Variants in RAB38 observed in about 807,000 individuals in gnomAD.
RAB38 encodes ras-related protein Rab-38.
A neutral mutation model predicts 18.4 loss-of-function variants in RAB38; 15 were observed. The ratio of observed to expected loss-of-function variants is 0.82; its 90% CI spans 0.55 to 1.26. The LOEUF (loss-of-function observed/expected upper bound fraction) is 1.26, where lower values mean the gene tolerates loss of function less well. Ranked by LOEUF, RAB38 falls within the 50% of genes most tolerant of loss-of-function variation. The probability of loss-of-function intolerance (pLI) is 0.00; values close to 1 mark genes in which losing one functional copy is unlikely to be tolerated. For synonymous variants in RAB38, 101 were observed against 104.4 expected (o/e 0.97, Z 0.20); for missense variants, 294 against 267.4 (o/e 1.10, Z -0.69).
chr11:87,930,250 C>G, the RAB38 span, among the ~76,000 whole-genome samples: 1,784 of 152,168 alleles, frequency 0.012, 32 homozygotes, highest in African/African-American at 0.035. Context: ...TTTTAATGAT[C>G]GCCATTCTAA....
chr11:87,841,843 C>A, the RAB38 span, among the ~76,000 whole-genome samples: 9 of 152,140 alleles, frequency 5.9e-5, no homozygotes, highest in Non-Finnish European at 1.3e-4. Flanking sequence ...GGTGTATAGT[C>A]ACTCCACCTG....
the RAB38 span, among the ~76,000 whole-genome samples, chr11:87,976,987 TACATTATACAA>T: frequency 6.7e-5 from 2 of 29,864 alleles, no homozygotes; most frequent in African/African-American, 1.6e-4. Context: ...AAAATATAAT[TACATTATACAA>T]GTATATTATA....
At chr11:87,916,702 T>C in the RAB38 span, among the ~76,000 whole-genome samples, 1 of 152,192 alleles carries the variant, frequency 6.6e-6, no homozygotes, top group African/African-American at 2.4e-5. Flanking sequence ...TCTCTCCTTC[T>C]TACTTTAAAT....
At chr11:87,922,719 C>T in the RAB38 span, among the ~76,000 whole-genome samples, 1 of 151,476 alleles carries the variant, frequency 6.6e-6, no homozygotes. Context: ...TTTATGCCAA[C>T]AACTTTATAC....
At chr11:87,820,696 T>A in the RAB38 span, among the ~76,000 whole-genome samples, 3 of 152,174 alleles carry the variant, frequency 2.0e-5, no homozygotes, top group African/African-American at 7.2e-5. Context: ...AGAACCAGCA[T>A]TAAAGAACAG....
chr11:87,957,723 G>A, the RAB38 span, among the ~76,000 whole-genome samples: 1 of 152,076 alleles, frequency 6.6e-6, no homozygotes, highest in East Asian at 1.9e-4. Flanking sequence ...CTTTGAGGGA[G>A]AGGAGTTCTA....
At chr11:88,038,861 C>T in the RAB38 span, among the ~76,000 whole-genome samples, 1 of 152,142 alleles carries the variant, frequency 6.6e-6, no homozygotes, top group Non-Finnish European at 1.5e-5. Context: ...AAGATATAAT[C>T]CACATTGCAA....
chr11:88,065,412 T>C, the RAB38 span, among the ~76,000 whole-genome samples: 1 of 152,174 alleles, frequency 6.6e-6, no homozygotes, highest in Non-Finnish European at 1.5e-5. Context: ...TTGAAAAGGT[T>C]TTTAAAGGTG....
the RAB38 span, among the ~76,000 whole-genome samples, chr11:88,043,699 C>T: frequency 1.3e-5 from 2 of 148,352 alleles, no homozygotes; most frequent in African/African-American, 4.9e-5. Context: ...TCTCCCTTTG[C>T]TGACTCTTTT....
At chr11:87,951,907 C>A in the RAB38 span, among the ~76,000 whole-genome samples, 7 of 152,122 alleles carry the variant, frequency 4.6e-5, no homozygotes, top group Non-Finnish European at 8.8e-5. Flanking sequence ...CTGGGAGAAC[C>A]ACTACTCTCT....
chr11:88,094,584 A>G, the RAB38 span, among the ~76,000 whole-genome samples: 3 of 151,824 alleles, frequency 2.0e-5, no homozygotes, highest in African/African-American at 7.2e-5. Context: ...CTTGTCAAAC[A>G]TTATGTGAAC....
At chr11:87,968,862 T>C in the RAB38 span, among the ~76,000 whole-genome samples, 1 of 152,034 alleles carries the variant, frequency 6.6e-6, no homozygotes, top group African/African-American at 2.4e-5. Flanking sequence ...CACCTGGACA[T>C]AGAGTGTGGA....
At chr11:88,042,371 G>A in the RAB38 span, among the ~76,000 whole-genome samples, 4 of 152,172 alleles carry the variant, frequency 2.6e-5, no homozygotes, top group African/African-American at 9.7e-5. Context: ...AGCTGGAGTG[G>A]GAGGAGCTGG....
At chr11:88,062,266 T>C in the RAB38 span, among the ~76,000 whole-genome samples, 1 of 152,010 alleles carries the variant, frequency 6.6e-6, no homozygotes. Flanking sequence ...CTCACCGAGA[T>C]CCGATGGTTT....
chr11:88,087,637 A>G, the RAB38 span, among the ~76,000 whole-genome samples: 9 of 151,920 alleles, frequency 5.9e-5, no homozygotes, highest in Non-Finnish European at 1.3e-4. Flanking sequence ...CCCAATTTAA[A>G]TTGCATGCAC....
At chr11:88,087,889 T>C in the RAB38 span, among the ~76,000 whole-genome samples, 1 of 151,894 alleles carries the variant, frequency 6.6e-6, no homozygotes, top group Non-Finnish European at 1.5e-5. Context: ...AGCAGGGTTG[T>C]GACTAGAAAA....
the RAB38 span, among the ~76,000 whole-genome samples, chr11:87,806,644 T>C: frequency 6.6e-6 from 1 of 152,224 alleles, no homozygotes; most frequent in African/African-American, 2.4e-5. Flanking sequence ...ATTTTTTTAT[T>C]TGTTTTCCTT....
At chr11:88,104,390 A>G in the RAB38 span, among the ~76,000 whole-genome samples, 1 of 152,162 alleles carries the variant, frequency 6.6e-6, no homozygotes, top group Non-Finnish European at 1.5e-5. Context: ...GGTGCCATCT[A>G]AACTATGGTC....
At chr11:88,018,184 T>C in the RAB38 span, among the ~76,000 whole-genome samples, 4 of 152,180 alleles carry the variant, frequency 2.6e-5, no homozygotes, top group Non-Finnish European at 5.9e-5. Flanking sequence ...ATCAACTTTT[T>C]TCTGCCAGCT....
Sources: allele counts gnomAD v4.1 joint callset (sites outside exome capture counted in the v4.1 genomes callset), GRCh38; gene constraint gnomAD v4.1.1; transcripts MANE v1.5; gene names NCBI Gene and HGNC (gene_info 2026-07-23, HGNC 2026-07-21).